Variants in KIF26B observed in about 807,000 individuals in gnomAD.
KIF26B encodes the protein kinesin family member 26B.
In KIF26B, 63 loss-of-function variants were observed where a neutral mutation model predicts 151.2. The ratio of observed to expected loss-of-function variants is 0.42; its 90% CI spans 0.34 to 0.51. KIF26B has a LOEUF of 0.51. Among genes scored for constraint, KIF26B ranks in the 20% least tolerant of loss-of-function variants. The pLI, the probability that KIF26B is intolerant of heterozygous loss-of-function variation, is 0.07. For synonymous variants in KIF26B, 1,357 were observed against 1,262.1 expected, an observed-to-expected ratio of 1.08 and a Z score of -1.59; for missense variants, 2,813 against 2,913.6, an observed-to-expected ratio of 0.97 and a Z score of 0.79.
chr1:245,698,048 A>C lies in KIF26B; in HGVS notation c.5825-58A>C, dbSNP rs2044716614. The stretch of plus-strand genomic sequence containing the variant: ...CAGAGCAAGACCCTGTCTCAAAAAA[A>C]CAACAAAAAAATTGAAATTCAGAAA... On this transcript the variant is annotated intron_variant, in intron 12 of 14. Transcript: ENST00000407071. The surrounding 1 kb of genome is among the most constrained non-coding windows in gnomAD (Gnocchi z 4.0). The C allele has an allele frequency of 6.6e-7, 1 of 1,516,044 alleles. No individual in the cohort carries two copies. The allele number at this position is 1,516,044 out of a possible 1,614,324, so 93.9% of individuals were successfully genotyped here. A position where few individuals can be genotyped will look rare whatever the true frequency, so the allele number is the denominator to read the frequency against.
chr1:245,339,697 T>C (rs927287424), intron 2 of KIF26B, among the ~76,000 whole-genome samples: 3 of 152,234 alleles, frequency 2.0e-5, no homozygotes, highest in Non-Finnish European at 4.4e-5. Context: ...TTTCACCTTG[T>C]TTTAAATATA....
intron 4 of KIF26B, among the ~76,000 whole-genome samples, chr1:245,536,633 A>G (rs1193533696): frequency 6.6e-6 from 1 of 152,142 alleles, no homozygotes; most frequent in Non-Finnish European, 1.5e-5. Context: ...TCATCTCTCG[A>G]GGTTTCTGGG....
Position 245,706,761 on chromosome 1 carries a change from C to A in KIF26B, c.*4155C>A, listed in dbSNP as rs2044846339. On this transcript the variant is annotated 3_prime_UTR_variant, in exon 15 of 15. Coordinates refer to ENST00000407071, the MANE Select transcript of KIF26B (RefSeq NM_018012.4). Reference sequence around the variant, plus strand: ...GGGGTATGTGGCCCAGCTGTCCCCCCATGAAGGACACTCTTCAATGCCACC... The same window carrying A: ...GGGGTATGTGGCCCAGCTGTCCCCCAATGAAGGACACTCTTCAATGCCACC... The A allele has an allele frequency of 6.6e-6, 1 of 152,250 alleles. No homozygotes were observed. The highest frequency in any genetic ancestry group is 1.5e-5 in the Non-Finnish European group (1 of 68,058). The allele number at this position is 152,250 out of a possible 1,614,324, so 9.4% of individuals were successfully genotyped here.
chr1:245,528,194 C>G (rs1010207313), intron 4 of KIF26B, among the ~76,000 whole-genome samples: 11 of 152,110 alleles, frequency 7.2e-5, no homozygotes, highest in Non-Finnish European at 1.2e-4. Flanking sequence ...AGATGCAGAT[C>G]AGGAAGCTAA....
chr1:245,572,535 A>T lies in KIF26B; in HGVS notation c.1351-30042A>T, dbSNP rs2043075616. 6.6e-6 allele frequency among the ~76,000 whole-genome samples: 1 copy of T among 152,194 alleles called. No homozygotes were observed. The highest frequency in any genetic ancestry group is 6.5e-5 in the Admixed American group (1 of 15,280). On this transcript the variant is annotated intron_variant, in intron 5 of 14. Coordinates refer to ENST00000407071, the MANE Select transcript of KIF26B (RefSeq NM_018012.4). This position sits in a 1 kb window ranked among gnomAD's most constrained non-coding sequence, Gnocchi z 4.2. ...ACTGACCTCAGGACCCTCCCGGTGA[A>T]CACTCAGTTAAAATTCCTACTCGCT...
chr1:245,345,551 C>T lies in KIF26B; in HGVS notation c.466-21283C>T, dbSNP rs147833262. Among the ~76,000 whole-genome samples, 626 of 150,934 alleles carry T rather than the reference C, an allele frequency of 4.1e-3. 4 individuals carry two copies. Among genetic ancestry groups the T allele is most frequent in the African/African-American group, 0.014 (581 of 41,058 alleles). On this transcript the variant is annotated intron_variant, in intron 2 of 14. Coordinates refer to ENST00000407071, the MANE Select transcript of KIF26B (RefSeq NM_018012.4). The stretch of plus-strand genomic sequence containing the variant: ...TCCTCGTGATGGTGTGGATCTGTGT[C>T]CCTGCCCACATCTCATGTTCAGTTG...
Position 245,414,455 on chromosome 1 carries a change from G to A in KIF26B, c.1000-5124G>A, listed in dbSNP as rs977539882. On this transcript the variant is annotated intron_variant, in intron 3 of 14. Coordinates refer to ENST00000407071, the MANE Select transcript of KIF26B (RefSeq NM_018012.4). ...AGTTCACGGTAGGGGCCTGAGGTGCGTGAGGCTTGTTTGTGTTGGTCTGAG... is the reference window on the plus strand; with the variant it reads ...AGTTCACGGTAGGGGCCTGAGGTGCATGAGGCTTGTTTGTGTTGGTCTGAG... Among the ~76,000 whole-genome samples, 4 of 152,352 alleles carry A rather than the reference G, an allele frequency of 2.6e-5. No homozygotes were observed. In the East Asian group the frequency reaches 7.7e-4, roughly 29 times the overall value.
In KIF26B at chr1:245,367,790, C is replaced by T. The variant is rs541816958; in HGVS notation, c.999+423C>T. ...GCGTGACTTGGCACAAGGGGTTTGC[C>T]CTGTCTTAGGCTCAAGTCCCTCATT... On this transcript the variant is annotated intron_variant, in intron 3 of 14. Coordinates refer to ENST00000407071, the MANE Select transcript of KIF26B (RefSeq NM_018012.4). The surrounding 1 kb of genome is among the most constrained non-coding windows in gnomAD (Gnocchi z 4.2). Among the ~76,000 whole-genome samples the T allele has an allele frequency of 4.0e-4, 61 of 152,308 alleles. No individual in the cohort carries two copies. The South Asian group carries it at 4.6e-3, about 11-fold the overall frequency.
At chr1:245,347,951 T>C (rs761076220) in intron 2 of KIF26B, among the ~76,000 whole-genome samples, 9 of 152,250 alleles carry the variant, frequency 5.9e-5, no homozygotes, top group Non-Finnish European at 1.0e-4. Flanking sequence ...ATTTTCCCCA[T>C]GTTATGGGTG....
At chr1:245,632,872 C>T (rs1478505945) in intron 9 of KIF26B, among the ~76,000 whole-genome samples, 9 of 152,212 alleles carry the variant, frequency 5.9e-5, no homozygotes, top group Non-Finnish European at 1.3e-4. Flanking sequence ...CACACCACTG[C>T]TCTCCAGCCT....
At position 245,601,197 on chromosome 1, in the gene KIF26B, CT is replaced by C. The variant is rs1009403528; in HGVS notation, c.1351-1378del. On this transcript the variant is annotated intron_variant, in intron 5 of 14. Coordinates refer to ENST00000407071, the MANE Select transcript of KIF26B (RefSeq NM_018012.4). This position sits in a 1 kb window ranked among gnomAD's most constrained non-coding sequence, Gnocchi z 4.4. ...CGGGCTCCTTCTACTGGGACACTGGCTTCCGGATCTCCACGGAGAACTGTTC... is the reference window on the plus strand; with the variant it reads ...CGGGCTCCTTCTACTGGGACACTGGCTCCGGATCTCCACGGAGAACTGTTC... Among the ~76,000 whole-genome samples, 15 of 152,102 alleles carry C rather than the reference CT, an allele frequency of 9.9e-5. No homozygotes were observed. Among genetic ancestry groups the C allele is most frequent in the African/African-American group, 3.4e-4 (14 of 41,376 alleles).
At chr1:245,172,071 AT>A (rs1327608434) in intron 2 of KIF26B, among the ~76,000 whole-genome samples, 8 of 65,710 alleles carry the variant, frequency 1.2e-4, no homozygotes, top group Non-Finnish European at 3.0e-4. Flanking sequence ...TCATTTCCTT[AT>A]CCATCCACCT....
intron 9 of KIF26B, among the ~76,000 whole-genome samples, chr1:245,636,731 A>G (rs114904192): frequency 0.026 from 4,013 of 152,040 alleles, 187 homozygotes; most frequent in African/African-American, 0.091. Flanking sequence ...GCTCCCACAT[A>G]TGAGTGACAA....
At chr1:245,225,979 A>G (rs1318834517) in intron 2 of KIF26B, 1 of 152,234 alleles carries the variant, frequency 6.6e-6, no homozygotes, top group Non-Finnish European at 1.5e-5. Flanking sequence ...TGAGCACATC[A>G]TGTTAGAAAC....
At chr1:245,274,692 G>T (rs1201121597) in intron 2 of KIF26B, among the ~76,000 whole-genome samples, 3 of 152,176 alleles carry the variant, frequency 2.0e-5, no homozygotes, top group Non-Finnish European at 4.4e-5. Context: ...ATAAACATAT[G>T]TGTGCATGTG....
chr1:245,649,190 T>C (rs1031315108), intron 10 of KIF26B, among the ~76,000 whole-genome samples: 1 of 152,206 alleles, frequency 6.6e-6, no homozygotes, highest in African/African-American at 2.4e-5. Context: ...GATTCAATAT[T>C]TGGCATCTGC....
intron 2 of KIF26B, among the ~76,000 whole-genome samples, chr1:245,286,671 G>C (rs542261247): frequency 1.3e-5 from 2 of 152,164 alleles, no homozygotes; most frequent in Admixed American, 1.3e-4. Context: ...AAGACATCTA[G>C]ATCTTTTGTT....
chr1:245,343,085 C>A (rs368163167), intron 2 of KIF26B, among the ~76,000 whole-genome samples: 630 of 131,754 alleles, frequency 4.8e-3, no homozygotes, highest in Non-Finnish European at 5.3e-3. Flanking sequence ...GACTCCATCT[C>A]AAAAAAAAAA....
chr1:245,286,944 C>T (rs1054810466), intron 2 of KIF26B, among the ~76,000 whole-genome samples: 2 of 152,054 alleles, frequency 1.3e-5, no homozygotes, highest in African/African-American at 4.8e-5. Context: ...CCCATCTCTA[C>T]TAAAAATACA....
Sources: allele counts gnomAD v4.1 joint callset (sites outside exome capture counted in the v4.1 genomes callset), GRCh38; gene constraint gnomAD v4.1.1; non-coding constraint Gnocchi (gnomAD v3.1); transcripts MANE v1.5; gene names NCBI Gene and HGNC (gene_info 2026-07-23, HGNC 2026-07-21).